The following MAF variants were observed in gnomAD, a reference collection of about 807,000 sequenced individuals.
The protein encoded by MAF is MAF bZIP transcription factor, also known as transcription factor Maf.
In MAF, 10 loss-of-function variants were observed where a neutral mutation model predicts 22.0. The ratio of observed to expected loss-of-function variants is 0.45; its 90% CI spans 0.28 to 0.77. MAF has a LOEUF of 0.77. Ranked by LOEUF, MAF falls within the 30% of genes least tolerant of loss-of-function variation. The pLI, the probability that MAF is intolerant of heterozygous loss-of-function variation, is 0.12. For missense variants in MAF, 544 were observed against 548.4 expected, an observed-to-expected ratio of 0.99 and a Z score of 0.08; for synonymous variants, 337 against 255.8, an observed-to-expected ratio of 1.32 and a Z score of -3.03.
At chr16:79,446,780 G>A in the MAF span, among the ~76,000 whole-genome samples, 18 of 151,868 alleles carry the variant, frequency 1.2e-4, no homozygotes, top group African/African-American at 4.4e-4. Context: ...ACAGTGGTAA[G>A]CACCTCTAGT....
At chr16:79,576,291 A>G in the MAF span, among the ~76,000 whole-genome samples, 1 of 151,104 alleles carries the variant, frequency 6.6e-6, no homozygotes, top group Non-Finnish European at 1.5e-5. Context: ...ATTTTTCAAA[A>G]GTGCCCCATA....
At chr16:79,341,067 G>GAGGCCGGAAGC in the MAF span, among the ~76,000 whole-genome samples, 3 of 152,192 alleles carry the variant, frequency 2.0e-5, no homozygotes, top group Non-Finnish European at 4.4e-5. Context: ...AGCATGGAAG[G>GAGGCCGGAAGC]AGGCCGGAAG....
chr16:79,419,112 C>A, the MAF span, among the ~76,000 whole-genome samples: 116 of 152,272 alleles, frequency 7.6e-4, no homozygotes, highest in African/African-American at 2.7e-3. Context: ...GAATTAACTT[C>A]CCCCCTCAGG....
the MAF span, among the ~76,000 whole-genome samples, chr16:79,323,023 G>A: frequency 1.7e-3 from 260 of 151,498 alleles, 1 homozygote; most frequent in African/African-American, 5.8e-3. Context: ...GGTGGCAAGC[G>A]CCTGTAGTCC....
the MAF span, among the ~76,000 whole-genome samples, chr16:79,349,587 G>C: frequency 6.6e-6 from 1 of 152,158 alleles, no homozygotes; most frequent in Non-Finnish European, 1.5e-5. Flanking sequence ...CATACGGCCT[G>C]CCTCTCCATA....
chr16:79,275,723 T>C, the MAF span, among the ~76,000 whole-genome samples: 2 of 152,208 alleles, frequency 1.3e-5, no homozygotes, highest in African/African-American at 4.8e-5. Flanking sequence ...ACTTACAGCC[T>C]CATGATGTTT....
At chr16:79,457,389 G>GT in the MAF span, among the ~76,000 whole-genome samples, 94,291 of 140,414 alleles carry the variant, frequency 0.67, 33,031 homozygotes, top group Non-Finnish European at 0.78. Context: ...TAGCACTTTG[G>GT]TTTTTTTTTT....
the MAF span, among the ~76,000 whole-genome samples, chr16:79,566,540 G>C: frequency 6.6e-6 from 1 of 152,236 alleles, no homozygotes; most frequent in Admixed American, 6.5e-5. Flanking sequence ...CTGGAGGGTT[G>C]ATCCTGGACA....
At chr16:79,567,779 G>A in the MAF span, among the ~76,000 whole-genome samples, 1 of 152,172 alleles carries the variant, frequency 6.6e-6, no homozygotes, top group African/African-American at 2.4e-5. Context: ...CTATGTCTAG[G>A]GAGATGTGTG....
At chr16:79,508,578 C>T in the MAF span, among the ~76,000 whole-genome samples, 3 of 152,332 alleles carry the variant, frequency 2.0e-5, no homozygotes, top group East Asian at 1.9e-4. Flanking sequence ...CCAGCTCTTC[C>T]GGCTGAATAT....
chr16:79,470,693 T>C, the MAF span, among the ~76,000 whole-genome samples: 86 of 152,322 alleles, frequency 5.6e-4, no homozygotes, highest in African/African-American at 2.0e-3. Flanking sequence ...ATTGGCTTCA[T>C]GTACTACAGG....
chr16:79,513,134 C>A, the MAF span, among the ~76,000 whole-genome samples: 1 of 152,262 alleles, frequency 6.6e-6, no homozygotes, highest in African/African-American at 2.4e-5. Flanking sequence ...CACTCTCACA[C>A]TGGTCCTCAC....
chr16:79,557,248 G>A, the MAF span, among the ~76,000 whole-genome samples: 1 of 151,918 alleles, frequency 6.6e-6, no homozygotes, highest in Non-Finnish European at 1.5e-5. Context: ...AGACTTTCTT[G>A]CCAAGGTAAT....
the MAF span, among the ~76,000 whole-genome samples, chr16:79,529,331 C>A: frequency 6.6e-6 from 1 of 152,134 alleles, no homozygotes; most frequent in African/African-American, 2.4e-5. Context: ...AGTTGGCAAA[C>A]TATGTAGCTA....
the MAF span, among the ~76,000 whole-genome samples, chr16:79,436,234 C>A: frequency 6.6e-6 from 1 of 152,140 alleles, no homozygotes; most frequent in Non-Finnish European, 1.5e-5. Context: ...AGGTGCTCAC[C>A]ACCACACCCA....
the MAF span, among the ~76,000 whole-genome samples, chr16:79,431,141 A>G: frequency 6.6e-6 from 1 of 152,170 alleles, no homozygotes; most frequent in Non-Finnish European, 1.5e-5. Context: ...ATTCATGTGC[A>G]GGCTGGATTT....
the MAF span, among the ~76,000 whole-genome samples, chr16:79,378,598 A>G: frequency 6.6e-6 from 1 of 152,224 alleles, no homozygotes; most frequent in Non-Finnish European, 1.5e-5. Flanking sequence ...AATGCTGAGT[A>G]GAATGAGGGA....
At chr16:79,405,542 G>A in the MAF span, among the ~76,000 whole-genome samples, 1 of 152,178 alleles carries the variant, frequency 6.6e-6, no homozygotes, top group African/African-American at 2.4e-5. Flanking sequence ...TCTTGTCCCA[G>A]GGAGGAAAGC....
chr16:79,240,318 T>C, the MAF span, among the ~76,000 whole-genome samples: 449 of 151,098 alleles, frequency 3.0e-3, 11 homozygotes, highest in Admixed American at 0.023. Flanking sequence ...CCGATTGCCC[T>C]TTCTTCTGTC....
Sources: allele counts gnomAD v4.1 joint callset (sites outside exome capture counted in the v4.1 genomes callset), GRCh38; gene constraint gnomAD v4.1.1; transcripts MANE v1.5; gene names NCBI Gene and HGNC (gene_info 2026-07-23, HGNC 2026-07-21).